The following AIRE variants were observed in gnomAD, a reference collection of about 807,000 sequenced individuals.
AIRE encodes autoimmune polyendocrinopathy candidiasis ectodermal dystrophy protein.
Under a neutral mutation model 62.1 loss-of-function variants are expected in AIRE, and 52 were observed. The ratio of observed to expected loss-of-function variants is 0.84; its 90% CI spans 0.67 to 1.06. AIRE has a LOEUF of 1.06. Among genes scored for constraint, AIRE ranks in the 50% least tolerant of loss-of-function variants. AIRE has a pLI of 0.00. For synonymous variants in AIRE, 342 were observed against 321.6 expected (o/e 1.06, Z -0.68); for missense variants, 774 against 755.8 (o/e 1.02, Z -0.28).
Position 44,297,541 on chromosome 21 carries a change from C to T in AIRE, c.1567-115C>T, listed in dbSNP as rs1354089059. On this transcript the variant is annotated intron_variant, in intron 13 of 13. Coordinates refer to ENST00000291582, the MANE Select transcript of AIRE (RefSeq NM_000383.4). This position sits in a 1 kb window ranked among gnomAD's most constrained non-coding sequence, Gnocchi z 4.8. ...GCCATGGGGCCTCGGGCCTCAGTTT[C>T]CCCACCTTTGACTTAGAGGGAAGGT... 11 of 1,006,246 alleles carry T rather than the reference C, an allele frequency of 1.1e-5. No homozygotes were observed. The highest frequency in any genetic ancestry group is 1.7e-5 in the Non-Finnish European group (11 of 654,510). 62.3% of individuals were successfully genotyped at this position (1,006,246 alleles called of 1,614,324 possible). A position where few individuals can be genotyped will look rare whatever the true frequency, so the allele number is the denominator to read the frequency against.
Position 44,287,987 on chromosome 21 carries a change from T to A in AIRE, c.539-358T>A, listed in dbSNP as rs1337235390. Among the ~76,000 whole-genome samples, 1 of 152,056 alleles carries A rather than the reference T, an allele frequency of 6.6e-6. No individual in the cohort carries two copies. On this transcript the variant is annotated intron_variant, in intron 4 of 13. Coordinates refer to ENST00000291582, the MANE Select transcript of AIRE (RefSeq NM_000383.4). This position sits in a 1 kb window ranked among gnomAD's most constrained non-coding sequence, Gnocchi z 4.3. Reference sequence around the variant, plus strand: ...AGGGCACTGGACTCCAGAGACCCCCTATCTCCCTGAGGGCAGAGCCTAGGA... The same window carrying A: ...AGGGCACTGGACTCCAGAGACCCCCAATCTCCCTGAGGGCAGAGCCTAGGA...
In AIRE at chr21:44,288,421, C is replaced by G. The variant is rs143784684; in HGVS notation, c.615C>G (p.Ala205=). 2 of 1,611,960 alleles carry G rather than the reference C, an allele frequency of 1.2e-6. No individual in the cohort carries two copies. Among genetic ancestry groups the G allele is most frequent in the South Asian group, 2.2e-5 (2 of 91,064 alleles). Residue 205 remains alanine, a synonymous_variant, in exon 5 of 14, where the codon GCC becomes GCG. Transcript: ENST00000291582. Reference sequence around the variant, plus strand: ...GGGACGTCCCGGGAGCCCGAGGGGCCGTGGAGGGGATCCTCATCCAGCAGG... The same window carrying G: ...GGGACGTCCCGGGAGCCCGAGGGGCGGTGGAGGGGATCCTCATCCAGCAGG... ...SSGDVPGARG[A]VEGILIQQVF... is the part of the protein sequence containing the mutation.
chr21:44,293,865 C>G lies in AIRE; in HGVS notation c.1355C>G (p.Ala452Gly). The part of the protein sequence containing the change: ...DVLRCTHCAA[A>G]FHWRCHFPAG... ...CTGCGGTGTACTCACTGCGCCGCTG[C>G]CTTCCACTGGCGCTGCCACTTCCCA... Residue 452 changes from alanine to glycine, a missense_variant, in exon 11 of 14, where the codon GCC becomes GGC. Ala to Gly is a moderately conservative substitution (Grantham distance 60). Around this residue, in one of 3 missense-constraint regions of AIRE, gnomAD observed 354 missense variants for 296.1 expected, o/e 1.20. Transcript: ENST00000291582. 1.3e-6 allele frequency: 2 copies of G among 1,596,844 alleles called. No homozygotes were observed. Among genetic ancestry groups the G allele is most frequent in the Non-Finnish European group, 1.7e-6 (2 of 1,179,540 alleles).
In AIRE at chr21:44,287,550, C is replaced by A; in HGVS notation, c.497C>A (p.Pro166Gln). 1 of 1,559,262 alleles carries A rather than the reference C, an allele frequency of 6.4e-7. No individual in the cohort carries two copies. The highest frequency in any genetic ancestry group is 1.4e-5 in the African/African-American group (1 of 73,772). The change falls in exon 4 of 14, where the codon CCG (proline) becomes CAG (glutamine). Residue 166 changes from proline to glutamine, a missense_variant. Pro to Gln is a moderately conservative substitution (Grantham distance 76). Around this residue, in one of 3 missense-constraint regions of AIRE, gnomAD observed 385 missense variants for 396.0 expected, o/e 0.97. Coordinates refer to ENST00000291582, the MANE Select transcript of AIRE (RefSeq NM_000383.4). The surrounding 1 kb of genome is among the most constrained non-coding windows in gnomAD (Gnocchi z 4.3). ...CTGAAGGCCAAGCCCCCCAAGAAGC[C>A]GGAGAGCAGCGCAGAGCAGCAGCGC... ...SQLKAKPPKK[P>Q]ESSAEQQRLP...
Position 44,298,118 on chromosome 21 carries a change from G to A in AIRE, c.*391G>A, listed in dbSNP as rs546743191. Reference sequence around the variant, plus strand: ...CTGCACTCCAGTCTGGTCGGCAAGAGTGAGACTCCGTCTCAAAAACAAAAC... The same window carrying A: ...CTGCACTCCAGTCTGGTCGGCAAGAATGAGACTCCGTCTCAAAAACAAAAC... On this transcript the variant is annotated 3_prime_UTR_variant, in exon 14 of 14. Transcript: ENST00000291582. 1.1e-4 allele frequency: 29 copies of A among 264,044 alleles called. No individual in the cohort carries two copies. The highest frequency in any genetic ancestry group is 5.3e-4 in the African/African-American group (24 of 45,248). The allele number at this position is 264,044 out of a possible 1,614,324, so 16.4% of individuals were successfully genotyped here.
At chr21:44,295,294 G>A (rs113053415) in intron 12 of AIRE, among the ~76,000 whole-genome samples, 1,898 of 152,146 alleles carry the variant, frequency 0.012, 38 homozygotes, top group African/African-American at 0.043. Context: ...CTCCCCAGGA[G>A]GGTGACAGCC....
chr21:44,288,258 GCC>G (rs2040502002), intron 4 of AIRE, 85 bp from the exon 5 acceptor site: 19 of 1,129,804 alleles, frequency 1.7e-5, no homozygotes, highest in Non-Finnish European at 2.3e-5. Flanking sequence ...GGGCTCTGCA[GCC>G]CAGTGCTGCC....
chr21:44,291,478 C>T (rs2040539713), intron 8 of AIRE, among the ~76,000 whole-genome samples: 1 of 152,160 alleles, frequency 6.6e-6, no homozygotes, highest in Admixed American at 6.5e-5. Flanking sequence ...AGATGCCACC[C>T]TGTCCAAGCT....
chr21:44,297,513 T>G lies in AIRE; in HGVS notation c.1567-143T>G. On this transcript the variant is annotated intron_variant, in intron 13 of 13. Transcript: ENST00000291582. This position sits in a 1 kb window ranked among gnomAD's most constrained non-coding sequence, Gnocchi z 4.8. ...GGACAGGGTCCTCCCCAGACTGGCC[T>G]GTGCCATGGGGCCTCGGGCCTCAGT... The G allele has an allele frequency of 1.3e-6, 1 of 769,628 alleles. No individual in the cohort carries two copies. The highest frequency in any genetic ancestry group is 1.5e-5 in the South Asian group (1 of 68,510). The allele number at this position is 769,628 out of a possible 1,614,324, so 47.7% of individuals were successfully genotyped here.
chr21:44,291,487 C>T (rs999740591), intron 8 of AIRE, among the ~76,000 whole-genome samples: 1 of 152,152 alleles, frequency 6.6e-6, no homozygotes, highest in Non-Finnish European at 1.5e-5. Context: ...CCTGTCCAAG[C>T]TCATCCCAGG....
rs1446952652 is a variant in AIRE, at chr21:44,288,244, G to C, written c.539-101G>C. 5 of 1,012,158 alleles carry C rather than the reference G, an allele frequency of 4.9e-6. No individual in the cohort carries two copies. The Admixed American group carries it at 8.6e-5, about 18-fold the overall frequency. The allele number at this position is 1,012,158 out of a possible 1,614,324, so 62.7% of individuals were successfully genotyped here. A position where few individuals can be genotyped will look rare whatever the true frequency, so the allele number is the denominator to read the frequency against. On this transcript the variant is annotated intron_variant, in intron 4 of 13. Coordinates refer to ENST00000291582, the MANE Select transcript of AIRE (RefSeq NM_000383.4). ...CTCCTTGGCCTGCCCTGGCTGGAAG[G>C]AAAGGGCTCTGCAGCCCAGTGCTGC...
At chr21:44,289,364 G>A (rs1423807676) in intron 5 of AIRE, 1 of 463,364 alleles carries the variant, frequency 2.2e-6, no homozygotes, top group Non-Finnish European at 3.9e-6. Context: ...TGAACTTATG[G>A]TCCAGTGTGA....
chr21:44,297,932 G>A lies in AIRE; in HGVS notation c.*205G>A. ...AACCCTGCCCCACTTCTCTACTCTG[G>A]AAGTCCCCGGGAGCCTCTCCTTGCC... On this transcript the variant is annotated 3_prime_UTR_variant, in exon 14 of 14. Transcript: ENST00000291582. The surrounding 1 kb of genome is among the most constrained non-coding windows in gnomAD (Gnocchi z 4.8). The A allele has an allele frequency of 1.7e-6, 1 of 595,150 alleles. No individual in the cohort carries two copies. Among genetic ancestry groups the A allele is most frequent in the Non-Finnish European group, 3.0e-6 (1 of 329,122 alleles). 36.9% of individuals were successfully genotyped at this position (595,150 alleles called of 1,614,324 possible).
intron 8 of AIRE, among the ~76,000 whole-genome samples, chr21:44,291,539 A>G (rs1429008089): frequency 1.3e-5 from 2 of 151,450 alleles, no homozygotes; most frequent in African/African-American, 2.4e-5. Flanking sequence ...CCCACCCCCA[A>G]GCCCCACCCC....
rs149219862 is a variant in AIRE, at chr21:44,294,538, G to C, written c.1503+35G>C. ...GCAGGGGCCCTCCATGCATGCCGGTGCTGGGGGTGGGGAACCCCTTGGGTT... is the reference window on the plus strand; with the variant it reads ...GCAGGGGCCCTCCATGCATGCCGGTCCTGGGGGTGGGGAACCCCTTGGGTT... On this transcript the variant is annotated intron_variant, in intron 12 of 13. Coordinates refer to ENST00000291582, the MANE Select transcript of AIRE (RefSeq NM_000383.4). The C allele has an allele frequency of 4.2e-4, 525 of 1,243,688 alleles. 1 individual carries two copies. In the African/African-American group the frequency reaches 5.2e-3, roughly 12 times the overall value. 77.0% of individuals were successfully genotyped at this position (1,243,688 alleles called of 1,614,324 possible).
chr21:44,293,293 C>T, intron 10 of AIRE, 118 bp downstream of exon 10: 1 of 879,058 alleles, frequency 1.1e-6, no homozygotes, highest in Non-Finnish European at 1.5e-6. Context: ...CCGGGAGGCA[C>T]AGGGCCTGGG....
Position 44,292,355 on chromosome 21 carries a change from C to T in AIRE, c.1049C>T (p.Pro350Leu), listed in dbSNP as rs1013117342. The change falls in exon 9 of 14, where the codon CCC (proline) becomes CTC (leucine). Residue 350 changes from proline (P) to leucine (L), a missense_variant. By Grantham distance (98) the Pro-to-Leu change is moderately conservative. This residue lies in a region of AIRE where 354 missense variants were observed against 296.1 expected (regional missense o/e 1.20). Transcript: ENST00000291582. ...CLQATVQEVQ[P>L]RAEEPRPQEP... ...CAGGCAACAGTCCAGGAGGTGCAGC[C>T]CCGGGCAGAGGAGCCCCGGCCCCAG... 2 of 1,573,338 alleles carry T rather than the reference C, an allele frequency of 1.3e-6. No homozygotes were observed. Among genetic ancestry groups the T allele is most frequent in the Admixed American group, 1.8e-5 (1 of 54,138 alleles).
At chr21:44,289,277 G>GC (rs1601966270) in intron 5 of AIRE, 1 of 272,378 alleles carries the variant, frequency 3.7e-6, no homozygotes, top group East Asian at 7.9e-5. Flanking sequence ...CTGGGCTCAG[G>GC]ACCCACCGCT....
At position 44,292,375 on chromosome 21, in the gene AIRE, C is replaced by A; in HGVS notation, c.1069C>A (p.Pro357Thr). 1.3e-6 allele frequency: 2 copies of A among 1,560,244 alleles called. No homozygotes were observed. The highest frequency in any genetic ancestry group is 1.9e-5 in the Admixed American group (1 of 52,322). ...GCAGCCCCGGGCAGAGGAGCCCCGG[C>A]CCCAGGAGCCACCCGTGGAGACCCC... is the stretch of plus-strand genomic sequence containing the variant. ...EVQPRAEEPR[P>T]QEPPVETPLP... The change falls in exon 9 of 14, where the codon CCC (proline) becomes ACC (threonine). Residue 357 changes from proline (P) to threonine (T), a missense_variant. By Grantham distance (38) the Pro-to-Thr change is conservative. Coordinates refer to ENST00000291582, the MANE Select transcript of AIRE (RefSeq NM_000383.4).
Sources: allele counts gnomAD v4.1 joint callset (sites outside exome capture counted in the v4.1 genomes callset), GRCh38; gene constraint gnomAD v4.1.1; regional missense constraint gnomAD v4.1.1; non-coding constraint Gnocchi (gnomAD v3.1); transcripts MANE v1.5; gene names NCBI Gene and HGNC (gene_info 2026-07-23, HGNC 2026-07-21).